Variants in PLEKHA8 observed in about 807,000 individuals in gnomAD.
PLEKHA8 encodes pleckstrin homology domain containing A8.
A neutral mutation model predicts 68.2 loss-of-function variants in PLEKHA8; 36 were observed. The observed-to-expected ratio is 0.53, with a 90% CI of 0.40 to 0.70. The LOEUF (loss-of-function observed/expected upper bound fraction) is 0.70, where lower values mean the gene tolerates loss of function less well. Among genes scored for constraint, PLEKHA8 ranks in the 30% least tolerant of loss-of-function variants. The probability of loss-of-function intolerance (pLI) is 0.00; values close to 1 mark genes in which losing one functional copy is unlikely to be tolerated. For missense variants in PLEKHA8, 505 were observed against 615.4 expected, an observed-to-expected ratio of 0.82 and a Z score of 1.90; for synonymous variants, 211 against 216.1, an observed-to-expected ratio of 0.98 and a Z score of 0.20.
At chr7:30,118,771 G>A (rs1015952221) in intron 13 of PLEKHA8, among the ~76,000 whole-genome samples, 5 of 151,966 alleles carry the variant, frequency 3.3e-5, no homozygotes, top group African/African-American at 1.2e-4. Flanking sequence ...TAGAGACGGG[G>A]TTTCACCGTG....
chr7:30,058,166 C>T (rs2127985534), intron 9 of PLEKHA8, among the ~76,000 whole-genome samples: 1 of 152,064 alleles, frequency 6.6e-6, no homozygotes, highest in East Asian at 1.9e-4. Flanking sequence ...CTTTTTATTA[C>T]TGAGTTGGGA....
At chr7:30,113,962 A>G (rs1019567679) in intron 13 of PLEKHA8, among the ~76,000 whole-genome samples, 1 of 150,788 alleles carries the variant, frequency 6.6e-6, no homozygotes, top group Non-Finnish European at 1.5e-5. Context: ...GCAGGGGCAC[A>G]ATCTCAGCTC....
intron 3 of PLEKHA8, among the ~76,000 whole-genome samples, chr7:30,046,783 T>A (rs370873819): frequency 6.6e-6 from 1 of 152,224 alleles, no homozygotes; most frequent in East Asian, 1.9e-4. Context: ...GAGGAGTAGT[T>A]GAGCCAGATA....
chr7:30,065,253 G>A (rs1487519050), intron 12 of PLEKHA8, among the ~76,000 whole-genome samples: 1 of 152,162 alleles, frequency 6.6e-6, no homozygotes, highest in Non-Finnish European at 1.5e-5. Context: ...AAGGGAGGCT[G>A]TAAATTTGAC....
intron 1 of PLEKHA8, among the ~76,000 whole-genome samples, chr7:30,043,474 T>G (rs1296779912): frequency 6.6e-6 from 1 of 152,142 alleles, no homozygotes; most frequent in African/African-American, 2.4e-5. Context: ...AGCCATAGTT[T>G]AAGAAAAGAT....
At chr7:30,107,634 T>C (rs1235215859) in intron 13 of PLEKHA8, among the ~76,000 whole-genome samples, 1 of 152,212 alleles carries the variant, frequency 6.6e-6, no homozygotes, top group Admixed American at 6.5e-5. Flanking sequence ...TAATCTGAAA[T>C]GGAATGCTTT....
In PLEKHA8 at chr7:30,049,378, G is replaced by A; in HGVS notation, c.593G>A (p.Ser198Asn). ...GSPQLAMLKS[S>N]KMKHPIIPIH... ...CCTCAGCTGGCCATGCTCAAGTCCA[G>A]CAAGGTAAAAGTCCAGCTCAGTTTG... The change falls in exon 5 of 14, where the codon AGC becomes AAC. Residue 198 changes from serine (S) to asparagine (N), a missense_variant. Transcript: ENST00000449726. 6.2e-7 allele frequency: 1 copy of A among 1,613,594 alleles called. No homozygotes were observed. Among genetic ancestry groups the A allele is most frequent in the Non-Finnish European group, 8.5e-7 (1 of 1,179,670 alleles).
At chr7:30,056,744 TGTGTGTGTG>T (rs1259713222) in intron 9 of PLEKHA8, among the ~76,000 whole-genome samples, 1 of 20,334 alleles carries the variant, frequency 4.9e-5, no homozygotes, top group Non-Finnish European at 1.1e-4. Context: ...AAAAAAAAAG[TGTGTGTGTG>T]TGTGTGTGTG....
At chr7:30,045,285 TTC>T in intron 2 of PLEKHA8, 84 bp downstream of exon 2, 5 of 969,994 alleles carry the variant, frequency 5.2e-6, no homozygotes, top group Non-Finnish European at 7.9e-6. Flanking sequence ...CTGCATACCT[TTC>T]TCTGCTGCTC....
rs867982097 is a variant in PLEKHA8, at chr7:30,082,139, G to A, written c.*3352G>A. 4.1e-5 allele frequency: 40 copies of A among 985,234 alleles called. No individual in the cohort carries two copies. In the African/African-American group the frequency reaches 4.2e-4, roughly 10 times the overall value. The allele number at this position is 985,234 out of a possible 1,614,324, so 61.0% of individuals were successfully genotyped here. On this transcript the variant is annotated 3_prime_UTR_variant, in exon 14 of 14. Coordinates refer to ENST00000449726, the MANE Select transcript of PLEKHA8 (RefSeq NM_001197026.2). ...TTCGAAGGGTAGTTCTCATTAGGAT[G>A]TATAAGTAGTGGCTTGAGGCACCTT...
chr7:30,067,592 G>C (rs185964769), intron 12 of PLEKHA8, among the ~76,000 whole-genome samples: 1 of 152,168 alleles, frequency 6.6e-6, no homozygotes, highest in Admixed American at 6.5e-5. Flanking sequence ...GACTCCCATC[G>C]TTTTCCAGAG....
At chr7:30,043,030 G>A (rs1410762034) in intron 1 of PLEKHA8, among the ~76,000 whole-genome samples, 1 of 152,130 alleles carries the variant, frequency 6.6e-6, no homozygotes, top group Non-Finnish European at 1.5e-5. Context: ...TTGTGACAAG[G>A]TCTCACTCTC....
At chr7:30,054,611 C>T in intron 7 of PLEKHA8, 98 bp from the exon 8 acceptor site, 1 of 803,646 alleles carries the variant, frequency 1.2e-6, no homozygotes, top group Non-Finnish European at 1.7e-6. Context: ...ATTTTTATTT[C>T]TATGTATTTT....
In PLEKHA8 at chr7:30,079,237, G is replaced by A. The variant is rs1794800097; in HGVS notation, c.*450G>A. 2.0e-6 allele frequency: 2 copies of A among 994,970 alleles called. No individual in the cohort carries two copies. The highest frequency in any genetic ancestry group is 1.7e-5 in the African/African-American group (1 of 57,418). The allele number at this position is 994,970 out of a possible 1,614,324, so 61.6% of individuals were successfully genotyped here. On this transcript the variant is annotated 3_prime_UTR_variant, in exon 14 of 14. Coordinates refer to ENST00000449726, the MANE Select transcript of PLEKHA8 (RefSeq NM_001197026.2). ...TAGTATAAGCTGCTTTGTTGAAGCT[G>A]TGTAGAGTTTGCTGTTCCTAGATGT... is the stretch of plus-strand genomic sequence containing the variant.
At chr7:30,052,976 T>C (rs1792546328) in intron 7 of PLEKHA8, 110 bp downstream of exon 7, 1 of 848,902 alleles carries the variant, frequency 1.2e-6, no homozygotes, top group African/African-American at 1.8e-5. Context: ...TAGTAGTGTC[T>C]GCTAAGGAGG....
At chr7:30,093,439 C>T (rs1346496083), downstream of PLEKHA8, among the ~76,000 whole-genome samples, 1 of 152,188 alleles carries the variant, frequency 6.6e-6, no homozygotes, top group Non-Finnish European at 1.5e-5. Flanking sequence ...AGACAGCCTG[C>T]CTCTAAGCCC....
At chr7:30,115,776 A>G (rs994212280) in intron 13 of PLEKHA8, 4 of 149,824 alleles carry the variant, frequency 2.7e-5, no homozygotes, top group African/African-American at 7.4e-5. Context: ...ACACGTATGC[A>G]TGCATACATA....
chr7:30,029,175 C>T (rs764787657), intron 1 of PLEKHA8, among the ~76,000 whole-genome samples: 1 of 152,172 alleles, frequency 6.6e-6, no homozygotes, highest in Non-Finnish European at 1.5e-5. Flanking sequence ...TCCCTTGGCT[C>T]GCAGCTAGGT....
intron 9 of PLEKHA8, among the ~76,000 whole-genome samples, chr7:30,059,578 ATT>A (rs35157502): frequency 6.8e-6 from 1 of 147,648 alleles, no homozygotes. Context: ...CAGTTAATCA[ATT>A]TTTTTTTTAG....
Sources: gnomAD v4.1 joint callset for allele counts (sites outside exome capture counted in the v4.1 genomes callset) on GRCh38, gnomAD v4.1.1 for gene constraint, MANE v1.5 for transcripts, NCBI Gene and HGNC (gene_info 2026-07-23, HGNC 2026-07-21) for gene names.